The following FAM53B variants were observed in gnomAD, a reference collection of about 807,000 sequenced individuals.
FAM53B encodes the protein protein FAM53B.
Under a neutral mutation model 32.7 loss-of-function variants are expected in FAM53B, and 12 were observed. The ratio of observed to expected loss-of-function variants is 0.37; its 90% CI spans 0.24 to 0.59. The LOEUF is 0.59. Ranked by LOEUF, FAM53B falls within the 20% of genes least tolerant of loss-of-function variation. FAM53B has a pLI of 0.72. For missense variants in FAM53B, 477 were observed against 577.7 expected (o/e 0.83, Z 1.79); for synonymous variants, 234 against 228.7 (o/e 1.02, Z -0.21).
At chr10:124,675,361 T>C (rs1490998070) in intron 4 of FAM53B, among the ~76,000 whole-genome samples, 1 of 152,148 alleles carries the variant, frequency 6.6e-6, no homozygotes, top group Non-Finnish European at 1.5e-5. Context: ...GCGCCACAGC[T>C]GGCAGGATCC....
chr10:124,653,149 T>TG (rs1488539252), intron 4 of FAM53B, among the ~76,000 whole-genome samples: 1 of 152,190 alleles, frequency 6.6e-6, no homozygotes, highest in Non-Finnish European at 1.5e-5. Context: ...CCAATGACAC[T>TG]GGTAGGGCCT....
At chr10:124,681,128 T>C (rs1456987591) in intron 4 of FAM53B, among the ~76,000 whole-genome samples, 1 of 152,136 alleles carries the variant, frequency 6.6e-6, no homozygotes, top group Admixed American at 6.5e-5. Context: ...GTTTCAACAG[T>C]ATAATCAAAG....
chr10:124,625,364 G>T (rs1949340040), intron 4 of FAM53B, among the ~76,000 whole-genome samples: 1 of 152,198 alleles, frequency 6.6e-6, no homozygotes, highest in Non-Finnish European at 1.5e-5. Flanking sequence ...ACTCAGGAGA[G>T]TGGCAGGGGC....
At chr10:124,696,965 C>T (rs576841060) in intron 2 of FAM53B, among the ~76,000 whole-genome samples, 9 of 152,240 alleles carry the variant, frequency 5.9e-5, no homozygotes, top group Admixed American at 3.3e-4. Context: ...AATAGGCCAA[C>T]GAGGCCTAGA....
intron 3 of FAM53B, among the ~76,000 whole-genome samples, chr10:124,688,694 C>T (rs377521074): frequency 6.6e-6 from 1 of 152,192 alleles, no homozygotes; most frequent in Non-Finnish European, 1.5e-5. Flanking sequence ...GTCCTGCCAC[C>T]GTTTGACTAA....
rs143402398 is a variant in FAM53B, at chr10:124,701,072, G to C, written c.79-4860C>G. 7.3e-4 allele frequency among the ~76,000 whole-genome samples: 111 copies of C among 152,366 alleles called. 2 individuals are homozygous for C. In the South Asian group the frequency reaches 0.01, roughly 14 times the overall value. On this transcript the variant is annotated intron_variant, in intron 2 of 4. Coordinates refer to ENST00000337318, the MANE Select transcript of FAM53B (RefSeq NM_014661.4). Reference sequence around the variant, plus strand: ...TCTGGGATTAGCCAAAGCATGGGCAGGCCCCTTGGTATCTCTGCCTGCCCA... The same window carrying C: ...TCTGGGATTAGCCAAAGCATGGGCACGCCCCTTGGTATCTCTGCCTGCCCA...
chr10:124,661,456 A>C (rs764948841), intron 4 of FAM53B, among the ~76,000 whole-genome samples: 9 of 152,212 alleles, frequency 5.9e-5, no homozygotes, highest in Non-Finnish European at 7.3e-5. Context: ...CTTGTAAGCC[A>C]GGCCTCCTGA....
chr10:124,676,030 G>A (rs1168075293), intron 4 of FAM53B, among the ~76,000 whole-genome samples: 1 of 152,248 alleles, frequency 6.6e-6, no homozygotes, highest in Non-Finnish European at 1.5e-5. Context: ...CAAGAGCACG[G>A]AAGGAGGAGT....
chr10:124,729,014 G>C (rs192360578), intron 1 of FAM53B, among the ~76,000 whole-genome samples: 133 of 152,338 alleles, frequency 8.7e-4, no homozygotes, highest in African/African-American at 3.1e-3. Flanking sequence ...CTGCCCAGCG[G>C]GGCTAGTCAC....
Position 124,682,141 on chromosome 10 carries a change from G to A in FAM53B, c.372C>T (p.Ser124=). The change falls in exon 4 of 5, where the codon TCC becomes TCT. Residue 124 remains serine, a synonymous_variant. Transcript: ENST00000337318. This position sits in a 1 kb window ranked among gnomAD's most constrained non-coding sequence, Gnocchi z 5.2. ...CRSLSFSDEM[S]SCRTSWRPLG... ...AGGGCCTCCATGATGTCCGGCAACTGGACATCTCATCGGAGAAGGACAGTG... is the reference window on the plus strand; with the variant it reads ...AGGGCCTCCATGATGTCCGGCAACTAGACATCTCATCGGAGAAGGACAGTG... 6.2e-7 allele frequency: 1 copy of A among 1,613,610 alleles called. No homozygotes were observed. The highest frequency in any genetic ancestry group is 1.7e-5 in the Admixed American group (1 of 59,960).
At position 124,675,662 on chromosome 10, in the gene FAM53B, G is replaced by A. The variant is rs963632571; in HGVS notation, c.906+5945C>T. On this transcript the variant is annotated intron_variant, in intron 4 of 4. Coordinates refer to ENST00000337318, the MANE Select transcript of FAM53B (RefSeq NM_014661.4). ...GACACACCCCCAGTTATCTGACTCC[G>A]AAGCTCCCACTTCTCACTGCCACAC... is the stretch of plus-strand genomic sequence containing the variant. 7.9e-5 allele frequency among the ~76,000 whole-genome samples: 12 copies of A among 152,296 alleles called. No individual in the cohort carries two copies. In the South Asian group the frequency reaches 1.0e-3, roughly 13 times the overall value.
chr10:124,661,369 G>A (rs1949630191), intron 4 of FAM53B, among the ~76,000 whole-genome samples: 1 of 152,188 alleles, frequency 6.6e-6, no homozygotes, highest in South Asian at 2.1e-4. Context: ...GGTTGAGAGA[G>A]GCCCAGGAGC....
intron 2 of FAM53B, among the ~76,000 whole-genome samples, chr10:124,702,016 T>C (rs912705748): frequency 6.6e-6 from 1 of 152,116 alleles, no homozygotes; most frequent in Middle Eastern, 3.2e-3. Context: ...GGCCACGAGC[T>C]CCTCCTCCAG....
At chr10:124,743,833 G>GA (rs1950215182) in intron 1 of FAM53B, among the ~76,000 whole-genome samples, 180 bp downstream of exon 1, 1 of 151,282 alleles carries the variant, frequency 6.6e-6, no homozygotes, top group South Asian at 2.1e-4. Context: ...ACCCAAAGGC[G>GA]AAACAAGGCA....
chr10:124,690,826 A>AT (rs990299272), intron 3 of FAM53B, among the ~76,000 whole-genome samples: 4 of 152,066 alleles, frequency 2.6e-5, no homozygotes, highest in Non-Finnish European at 5.9e-5. Flanking sequence ...TATGGATGTA[A>AT]TTTTTTTTCA....
At chr10:124,659,471 C>T (rs573396405) in intron 4 of FAM53B, among the ~76,000 whole-genome samples, 1 of 152,324 alleles carries the variant, frequency 6.6e-6, no homozygotes, top group Admixed American at 6.5e-5. Flanking sequence ...ATTTCTGGGT[C>T]CCCAAAGATG....
At chr10:124,711,924 G>C (rs558853683) in intron 1 of FAM53B, among the ~76,000 whole-genome samples, 1 of 152,078 alleles carries the variant, frequency 6.6e-6, no homozygotes, top group East Asian at 1.9e-4. Context: ...ATAGCCAGGC[G>C]TGGGAGTGTA....
At chr10:124,731,559 A>G (rs1950142774) in intron 1 of FAM53B, among the ~76,000 whole-genome samples, 1 of 151,594 alleles carries the variant, frequency 6.6e-6, no homozygotes, top group South Asian at 2.1e-4. Context: ...GGAAATTATT[A>G]AGACACACAA....
intron 4 of FAM53B, among the ~76,000 whole-genome samples, chr10:124,663,287 G>A (rs1216158507): frequency 6.6e-6 from 1 of 152,252 alleles, no homozygotes; most frequent in Non-Finnish European, 1.5e-5. Flanking sequence ...CTAGGCCAAA[G>A]GAGGTACAGA....
Sources: gnomAD v4.1 joint callset for allele counts (sites outside exome capture counted in the v4.1 genomes callset) on GRCh38, gnomAD v4.1.1 for gene constraint, Gnocchi (gnomAD v3.1) non-coding constraint, MANE v1.5 for transcripts, NCBI Gene and HGNC (gene_info 2026-07-23, HGNC 2026-07-21) for gene names.